Variants in FMO4 observed in about 807,000 individuals in gnomAD.
FMO4 encodes the protein flavin containing dimethylaniline monoxygenase 4, also known as dimethylaniline monooxygenase [N-oxide-forming] 4.
A neutral mutation model predicts 43.3 loss-of-function variants in FMO4; 38 were observed. The observed-to-expected ratio is 0.88, with a 90% confidence interval of 0.68 to 1.15. FMO4 has a LOEUF of 1.15. Ranked by LOEUF, FMO4 falls within the 50% of genes most tolerant of loss-of-function variation. The pLI is 0.00. For missense variants in FMO4, 631 were observed against 663.3 expected (o/e 0.95, Z 0.54); for synonymous variants, 224 against 232.2 (o/e 0.96, Z 0.32).
At chr1:171,328,087 C>T (rs1030847093) in intron 5 of FMO4, among the ~76,000 whole-genome samples, 1 of 152,080 alleles carries the variant, frequency 6.6e-6, no homozygotes, top group African/African-American at 2.4e-5. Flanking sequence ...GTTCCCCAGG[C>T]TGGAGTTCGA....
chr1:171,331,957 T>C (rs1483946695), intron 6 of FMO4, among the ~76,000 whole-genome samples, 175 bp downstream of exon 6: 1 of 151,760 alleles, frequency 6.6e-6, no homozygotes, highest in Non-Finnish European at 1.5e-5. Context: ...CTTTCTGAAC[T>C]ATTTAAAAAG....
chr1:171,323,165 T>G lies in FMO4; in HGVS notation c.294T>G (p.Phe98Leu). The part of the protein sequence containing the change: ...WDYLQEFAEH[F>L]DLLKYIQFKT... ...ATCTCCAAGAATTTGCTGAGCACTT[T>G]GACCTCCTGAAATACATTCAGTTTA... The change falls in exon 4 of 10, where the codon TTT becomes TTG. Residue 98 changes from phenylalanine to leucine, a missense_variant. Transcript: ENST00000367749. 1 of 1,613,510 alleles carries G rather than the reference T, an allele frequency of 6.2e-7. No homozygotes were observed. The highest frequency in any genetic ancestry group is 8.5e-7 in the Non-Finnish European group (1 of 1,179,556).
rs372946607 is a variant in FMO4 at position 171,341,146 on chromosome 1, C to T, written c.1251-267C>T. Reference sequence around the variant, plus strand: ...TTTAAAATAAATTCCTACAACTTAACGGAAAAAAAAAAGTTTCTCTTCCAT... The same window carrying T: ...TTTAAAATAAATTCCTACAACTTAATGGAAAAAAAAAAGTTTCTCTTCCAT... On this transcript the variant is annotated intron_variant, in intron 9 of 9. Transcript: ENST00000367749. Among the ~76,000 whole-genome samples, 15 of 151,086 alleles carry T rather than the reference C, an allele frequency of 9.9e-5. No individual in the cohort carries two copies. In the East Asian group the frequency reaches 1.7e-3, roughly 18 times the overall value.
intron 2 of FMO4, among the ~76,000 whole-genome samples, chr1:171,318,489 T>A (rs111340297): frequency 0.05 from 7,655 of 151,976 alleles, 597 homozygotes; most frequent in African/African-American, 0.17. Flanking sequence ...CATTTCTATT[T>A]AAAAAAATTA....
intron 8 of FMO4, among the ~76,000 whole-genome samples, chr1:171,336,275 G>T (rs1303562739): frequency 6.6e-6 from 1 of 152,054 alleles, no homozygotes; most frequent in Non-Finnish European, 1.5e-5. Context: ...AGGGGCAGGG[G>T]GTGGGGACAG....
chr1:171,317,605 G>T (rs1478218484), intron 2 of FMO4, among the ~76,000 whole-genome samples: 1 of 152,120 alleles, frequency 6.6e-6, no homozygotes, highest in Non-Finnish European at 1.5e-5. Context: ...GTAAAAACTG[G>T]TCCTATATCT....
chr1:171,325,819 T>C (rs1662638065), intron 5 of FMO4, among the ~76,000 whole-genome samples: 1 of 26,624 alleles, frequency 3.8e-5, no homozygotes, highest in Non-Finnish European at 7.1e-5. Flanking sequence ...AGACTATCCT[T>C]TTTTTTTTTT....
rs1450010841 is a variant in FMO4, at chr1:171,314,293, A to G, written c.-271A>G. ...GCACTTTTACAAAAGTCATCTTTCC[A>G]TTTATTTTTCTTTCAGAAAAAAGAA... is the stretch of plus-strand genomic sequence containing the variant. On this transcript the variant is annotated 5_prime_UTR_variant, in exon 1 of 10. Coordinates refer to ENST00000367749, the MANE Select transcript of FMO4 (RefSeq NM_002022.3). The G allele has an allele frequency of 6.6e-6, 1 of 151,982 alleles. No individual in the cohort carries two copies. The highest frequency in any genetic ancestry group is 1.5e-5 in the Non-Finnish European group (1 of 68,014). 9.4% of individuals were successfully genotyped at this position (151,982 alleles called of 1,614,324 possible).
rs747880729 is a variant in FMO4 at position 171,341,652 on chromosome 1, TA to T, written c.1495del (p.Thr499LeufsTer17). The T allele has an allele frequency of 1.6e-4, 265 of 1,613,826 alleles. No homozygotes were observed. The highest frequency in any genetic ancestry group is 2.2e-4 in the Non-Finnish European group (256 of 1,179,992). ...CAGTGGGACAGAACATTGAAACCTT[TA>T]AAAACTCGAATTGTCCCTGATTCCT... ...LTQWDRTLKP[L>X]KTRIVPDSSK... On this transcript the variant is annotated frameshift_variant, in exon 10 of 10. Coordinates refer to ENST00000367749, the MANE Select transcript of FMO4 (RefSeq NM_002022.3). LOFTEE classifies it low-confidence loss of function (END_TRUNC).
intron 3 of FMO4, among the ~76,000 whole-genome samples, chr1:171,322,770 T>C (rs1489079789): frequency 6.6e-6 from 1 of 152,202 alleles, no homozygotes; most frequent in Non-Finnish European, 1.5e-5. Context: ...TGAGAATCGC[T>C]TGAACCCGGG....
rs147189409 is a variant in FMO4, at chr1:171,315,334, G to A, written c.-150-852G>A. ...AATATAAGCACCTTTGAGCAACCAA[G>A]TACCTTATGAAGTCCACTTTATAGT... On this transcript the variant is annotated intron_variant, in intron 1 of 9. Coordinates refer to ENST00000367749, the MANE Select transcript of FMO4 (RefSeq NM_002022.3). Among the ~76,000 whole-genome samples, 42 of 152,058 alleles carry A rather than the reference G, an allele frequency of 2.8e-4. No individual in the cohort carries two copies. The East Asian group carries it at 6.0e-3, about 22-fold the overall frequency.
chr1:171,337,711 C>T (rs1663176204), intron 9 of FMO4, among the ~76,000 whole-genome samples: 1 of 152,186 alleles, frequency 6.6e-6, no homozygotes, highest in South Asian at 2.1e-4. Flanking sequence ...TCTGACTTCA[C>T]TCTCTTCCTA....
At position 171,322,140 on chromosome 1, in the gene FMO4, A is replaced by G. The variant is rs572874833; in HGVS notation, c.133-864A>G. Among the ~76,000 whole-genome samples, 434 of 152,332 alleles carry G rather than the reference A, an allele frequency of 2.8e-3. 5 individuals carry two copies. Among genetic ancestry groups the G allele is most frequent in the African/African-American group, 0.01 (419 of 41,572 alleles). On this transcript the variant is annotated intron_variant, in intron 3 of 9. Coordinates refer to ENST00000367749, the MANE Select transcript of FMO4 (RefSeq NM_002022.3). ...CTATGAAGATTGAGATAGGATGGAG[A>G]GAGACAGGGCTGAAGGGGACATAGG...
intron 8 of FMO4, among the ~76,000 whole-genome samples, chr1:171,336,619 T>C (rs189300177): frequency 6.6e-6 from 1 of 152,184 alleles, no homozygotes; most frequent in Non-Finnish European, 1.5e-5. Flanking sequence ...TGGGTTTTTT[T>C]TAGAGACCAG....
intron 8 of FMO4, among the ~76,000 whole-genome samples, chr1:171,336,280 G>A (rs932607797): frequency 1.3e-5 from 2 of 151,944 alleles, no homozygotes; most frequent in Admixed American, 6.6e-5. Flanking sequence ...CAGGGGGTGG[G>A]GACAGAGTTT....
chr1:171,320,261 C>A (rs1662358517), intron 3 of FMO4, among the ~76,000 whole-genome samples: 1 of 152,176 alleles, frequency 6.6e-6, no homozygotes, highest in Non-Finnish European at 1.5e-5. Context: ...TAAGACAAAG[C>A]AGCAGAGTGT....
chr1:171,323,055 G>A lies in FMO4; in HGVS notation c.184G>A (p.Val62Ile), dbSNP rs1437827687. 6 of 1,613,412 alleles carry A rather than the reference G, an allele frequency of 3.7e-6. No homozygotes were observed. In the South Asian group the frequency reaches 4.4e-5, roughly 12 times the overall value. The part of the protein sequence containing the change: ...TRVYKSLVTN[V>I]CKEMSCYSDF... ...GGTCTATAAGTCATTAGTGACAAAT[G>A]TCTGTAAGGAAATGTCATGTTACAG... Residue 62 changes from valine (V) to isoleucine (I), a missense_variant, in exon 4 of 10, where the codon GTC (valine) becomes ATC (isoleucine). By Grantham distance (29) the Val-to-Ile change is conservative (BLOSUM62 3). Transcript: ENST00000367749.
intron 5 of FMO4, among the ~76,000 whole-genome samples, chr1:171,330,412 T>C (rs1465155185): frequency 1.3e-5 from 2 of 152,250 alleles, no homozygotes; most frequent in African/African-American, 4.8e-5. Flanking sequence ...CCATGGTTCA[T>C]GTCTATTCTC....
intron 5 of FMO4, among the ~76,000 whole-genome samples, chr1:171,324,571 A>G (rs1662581471): frequency 6.6e-6 from 1 of 152,190 alleles, no homozygotes; most frequent in African/African-American, 2.4e-5. Flanking sequence ...GGTTCAAAAC[A>G]ATCAGATCTG....
Sources: allele counts gnomAD v4.1 joint callset (sites outside exome capture counted in the v4.1 genomes callset), GRCh38; gene constraint gnomAD v4.1.1; transcripts MANE v1.5; gene names NCBI Gene and HGNC (gene_info 2026-07-23, HGNC 2026-07-21).